Variants in NDUFA7 observed in about 807,000 individuals in gnomAD.
The protein encoded by NDUFA7 is NADH dehydrogenase [ubiquinone] 1 alpha subcomplex subunit 7.
In NDUFA7, 18 loss-of-function variants were observed where a neutral mutation model predicts 14.2. The observed-to-expected ratio is 1.27, with a 90% CI of 0.88 to 1.88. The LOEUF (loss-of-function observed/expected upper bound fraction) is 1.88, where lower values mean the gene tolerates loss of function less well. NDUFA7 is among the 40% of genes most tolerant of loss of function. The probability of loss-of-function intolerance (pLI) is 0.00; values close to 1 mark genes in which losing one functional copy is unlikely to be tolerated. For missense variants in NDUFA7, 172 were observed against 147.3 expected, an observed-to-expected ratio of 1.17 and a Z score of -0.87; for synonymous variants, 75 against 62.1, an observed-to-expected ratio of 1.21 and a Z score of -0.98.
intron 2 of NDUFA7, among the ~76,000 whole-genome samples, chr19:8,320,640 G>C (rs570012929): frequency 5.3e-5 from 8 of 152,128 alleles, no homozygotes; most frequent in Admixed American, 3.3e-4. Context: ...AATCTAGCCT[G>C]ATTGCCAGTC....
intron 3 of NDUFA7, among the ~76,000 whole-genome samples, chr19:8,315,614 C>G (rs1348740170): frequency 6.6e-6 from 1 of 152,142 alleles, no homozygotes; most frequent in Admixed American, 6.6e-5. Flanking sequence ...CCACATCCCC[C>G]TCTCACACAT....
intron 3 of NDUFA7, among the ~76,000 whole-genome samples, chr19:8,314,149 C>T (rs184041444): frequency 8.2e-4 from 124 of 152,098 alleles, no homozygotes; most frequent in Admixed American, 1.9e-3. Context: ...TGGTGAAACC[C>T]CATCTCTACT....
At chr19:8,320,980 G>A in intron 1 of NDUFA7, 74 bp from the exon 2 acceptor site, 1 of 1,517,428 alleles carries the variant, frequency 6.6e-7, no homozygotes, top group Non-Finnish European at 9.1e-7. Context: ...CAAGGGACCA[G>A]GGATGGTCCG....
intron 2 of NDUFA7, among the ~76,000 whole-genome samples, chr19:8,317,079 G>A (rs1215139923): frequency 6.6e-6 from 1 of 152,140 alleles, no homozygotes; most frequent in Non-Finnish European, 1.5e-5. Flanking sequence ...AGTCTCTGGA[G>A]AACCCTGCTA....
chr19:8,313,149 G>C (rs1237238784), intron 3 of NDUFA7, among the ~76,000 whole-genome samples: 3 of 151,898 alleles, frequency 2.0e-5, no homozygotes, highest in South Asian at 4.1e-4. Flanking sequence ...AACAAGTCTA[G>C]AACTCAAGCA....
downstream of NDUFA7, among the ~76,000 whole-genome samples, chr19:8,310,208 T>C (rs1286097168): frequency 6.6e-6 from 1 of 152,028 alleles, no homozygotes; most frequent in African/African-American, 2.4e-5. Context: ...GGTGGGCGGA[T>C]CACTTGAGGT....
intron 3 of NDUFA7, among the ~76,000 whole-genome samples, chr19:8,314,463 G>A (rs565581034): frequency 6.6e-6 from 1 of 152,178 alleles, no homozygotes; most frequent in South Asian, 2.1e-4. Context: ...ACCCTCCCCT[G>A]GGTTGGACTA....
At position 8,320,973 on chromosome 19, in the gene NDUFA7, G is replaced by A. The variant is rs1970298807; in HGVS notation, c.52-67C>T. 8 of 1,572,480 alleles carry A rather than the reference G, an allele frequency of 5.1e-6. No homozygotes were observed. The East Asian group carries it at 1.1e-4, about 22-fold the overall frequency. ...CAGGAGAGAGGAAAGGAGAGGGCAA[G>A]GGACCAGGGATGGTCCGGGGATGCG... On this transcript the variant is annotated intron_variant, in intron 1 of 3. Coordinates refer to ENST00000301457, the MANE Select transcript of NDUFA7 (RefSeq NM_005001.5).
At chr19:8,314,603 G>A (rs8106855) in intron 3 of NDUFA7, among the ~76,000 whole-genome samples, 20,788 of 151,822 alleles carry the variant, frequency 0.14, 3,013 homozygotes, top group African/African-American at 0.36. Context: ...CCATCTCTAC[G>A]AAACATTTAA....
At chr19:8,310,808 G>A (rs192042643), downstream of NDUFA7, 4 of 151,846 alleles carry the variant, frequency 2.6e-5, no homozygotes, top group African/African-American at 4.8e-5. Context: ...CAAGGCGGGC[G>A]GATCACCTGA....
At chr19:8,309,880 A>G (rs1351572057), downstream of NDUFA7, among the ~76,000 whole-genome samples, 11 of 152,118 alleles carry the variant, frequency 7.2e-5, no homozygotes, top group Non-Finnish European at 1.5e-4. Flanking sequence ...CTCCCTTTGC[A>G]GATTTCTGTC....
intron 3 of NDUFA7, among the ~76,000 whole-genome samples, chr19:8,312,568 C>T (rs1448472082): frequency 1.3e-5 from 2 of 152,144 alleles, no homozygotes; most frequent in Non-Finnish European, 2.9e-5. Flanking sequence ...GCAACGTCCG[C>T]CTCCCAGGCT....
At chr19:8,320,744 G>T in intron 2 of NDUFA7, 113 bp downstream of exon 2, 1 of 1,278,862 alleles carries the variant, frequency 7.8e-7, no homozygotes, top group Non-Finnish European at 1.1e-6. Flanking sequence ...CCTGGCAGGG[G>T]ACTGGTGGCA....
chr19:8,316,148 C>CAAAAGAAAAAAAAAAAAAA (rs571493580), intron 3 of NDUFA7, among the ~76,000 whole-genome samples: 1 of 80,648 alleles, frequency 1.2e-5, no homozygotes, highest in Non-Finnish European at 2.5e-5. Context: ...GACTCCGTCT[C>CAAAAGAAAAAAAAAAAAAA]AAAAAAAAAA....
intron 2 of NDUFA7, 76 bp downstream of exon 2, chr19:8,320,781 C>A: frequency 6.4e-7 from 1 of 1,570,866 alleles, no homozygotes; most frequent in South Asian, 1.1e-5. Context: ...TTTCAGGGGT[C>A]TAAAGGAACA....
Position 8,320,868 on chromosome 19 carries a change from C to G in NDUFA7, c.90G>C (p.Glu30Asp), listed in dbSNP as rs892703811. 3.1e-6 allele frequency: 5 copies of G among 1,613,600 alleles called. No individual in the cohort carries two copies. In the Admixed American group the frequency reaches 8.3e-5, roughly 27 times the overall value. ...CGGGGCCTGCTCACCGCTTGGAGATCTCCTGGTAGCGTAGCTGCAGCTTCC... is the reference window on the plus strand; with the variant it reads ...CGGGGCCTGCTCACCGCTTGGAGATGTCCTGGTAGCGTAGCTGCAGCTTCC... ...LQGKLQLRYQ[E>D]ISKRTQPPPK... The change falls in exon 2 of 4, where the codon GAG becomes GAC. Residue 30 changes from glutamate to aspartate, a missense_variant. By Grantham distance (45) the Glu-to-Asp change is conservative (BLOSUM62 2). Transcript: ENST00000301457.
At chr19:8,316,701 G>A (rs1045914969) in intron 2 of NDUFA7, 56 bp from the exon 3 acceptor site, 11 of 1,583,340 alleles carry the variant, frequency 6.9e-6, no homozygotes, top group Non-Finnish European at 6.9e-6. Flanking sequence ...TCATGGCCCC[G>A]CTGTGGGCCC....
chr19:8,311,761 G>A (rs1223967726), intron 3 of NDUFA7, among the ~76,000 whole-genome samples, 166 bp from the exon 4 acceptor site: 1 of 152,182 alleles, frequency 6.6e-6, no homozygotes, highest in Non-Finnish European at 1.5e-5. Flanking sequence ...CAGCCCCTCA[G>A]AGGATCAGCC....
At chr19:8,316,300 G>C (rs542224790) in intron 3 of NDUFA7, among the ~76,000 whole-genome samples, 196 bp downstream of exon 3, 1 of 152,194 alleles carries the variant, frequency 6.6e-6, no homozygotes, top group South Asian at 2.1e-4. Flanking sequence ...ACTTCATCCT[G>C]GGCAACAGAG....
Sources: gnomAD v4.1 joint callset for allele counts (sites outside exome capture counted in the v4.1 genomes callset) on GRCh38, gnomAD v4.1.1 for gene constraint, MANE v1.5 for transcripts, NCBI Gene and HGNC (gene_info 2026-07-23, HGNC 2026-07-21) for gene names.